WDFY2: variants seen among roughly 807,000 people sequenced by gnomAD.
WDFY2 encodes the protein WD repeat and FYVE domain containing 2.
Under a neutral mutation model 56.4 loss-of-function variants are expected in WDFY2, and 36 were observed. The observed-to-expected ratio is 0.64, with a 90% CI of 0.49 to 0.84. The LOEUF (loss-of-function observed/expected upper bound fraction) is 0.84, where lower values mean the gene tolerates loss of function less well. WDFY2 is among the 40% of genes least tolerant of loss of function. The pLI, the probability that WDFY2 is intolerant of heterozygous loss-of-function variation, is 0.00. For synonymous variants in WDFY2, 176 were observed against 183.7 expected, an observed-to-expected ratio of 0.96 and a Z score of 0.34; for missense variants, 444 against 512.2, an observed-to-expected ratio of 0.87 and a Z score of 1.29.
chr13:51,765,641 G>T lies in WDFY2; in HGVS notation c.*5872G>T, dbSNP rs1397944632. ...GCCCGCATATTGCTGGCTTCCCTTG[G>T]ATAACGGAGAGCCTATCACCACATG... On this transcript the variant is annotated 3_prime_UTR_variant, in exon 12 of 12. Coordinates refer to ENST00000298125, the MANE Select transcript of WDFY2 (RefSeq NM_052950.4). 6.6e-6 allele frequency: 1 copy of T among 152,184 alleles called. No homozygotes were observed. Among genetic ancestry groups the T allele is most frequent in the Non-Finnish European group, 1.5e-5 (1 of 68,046 alleles). The allele number at this position is 152,184 out of a possible 1,614,324, so 9.4% of individuals were successfully genotyped here. A position where few individuals can be genotyped will look rare whatever the true frequency, so the allele number is the denominator to read the frequency against.
rs116449261 is a variant in WDFY2 at position 51,703,096 on chromosome 13, T to C, written c.280-500T>C. Among the ~76,000 whole-genome samples, 1,297 of 152,324 alleles carry C rather than the reference T, an allele frequency of 8.5e-3. 16 individuals carry two copies. The highest frequency in any genetic ancestry group is 0.029 in the African/African-American group (1,224 of 41,568). Reference sequence around the variant, plus strand: ...TTATTAATTACCTACTGTGCCAAGGTACTGTGCCCGGTGTCCTGGGGATAC... The same window carrying C: ...TTATTAATTACCTACTGTGCCAAGGCACTGTGCCCGGTGTCCTGGGGATAC... On this transcript the variant is annotated intron_variant, in intron 3 of 11. Transcript: ENST00000298125.
At chr13:51,658,467 G>A (rs1191126970) in intron 1 of WDFY2, among the ~76,000 whole-genome samples, 2 of 152,140 alleles carry the variant, frequency 1.3e-5, no homozygotes, top group Non-Finnish European at 2.9e-5. Context: ...GTACAAGCAG[G>A]CCACTCAAGG....
At chr13:51,738,161 A>G (rs9535745) in intron 6 of WDFY2, among the ~76,000 whole-genome samples, 19,038 of 152,246 alleles carry the variant, frequency 0.13, 1,474 homozygotes, top group South Asian at 0.21. Flanking sequence ...TCAGAATATA[A>G]TATTTTTAAT....
chr13:51,701,526 A>C (rs1951984635), intron 3 of WDFY2, among the ~76,000 whole-genome samples: 1 of 151,548 alleles, frequency 6.6e-6, no homozygotes, highest in Non-Finnish European at 1.5e-5. Context: ...ATCTCAAAAA[A>C]AAAAAAAAAA....
intron 1 of WDFY2, among the ~76,000 whole-genome samples, chr13:51,649,077 G>A (rs1760680862): frequency 6.6e-6 from 1 of 152,246 alleles, no homozygotes; most frequent in African/African-American, 2.4e-5. Flanking sequence ...ATCCTGGGAG[G>A]TGGAGGTTGC....
intron 2 of WDFY2, among the ~76,000 whole-genome samples, chr13:51,661,745 A>G (rs1266626077): frequency 6.6e-6 from 1 of 152,260 alleles, no homozygotes; most frequent in African/African-American, 2.4e-5. Flanking sequence ...ATAGACGATA[A>G]TAACCAAGCT....
In WDFY2 at chr13:51,587,465, T is replaced by C. The variant is rs77136242; in HGVS notation, c.137+2641T>C. 25 of 152,342 alleles carry C rather than the reference T, an allele frequency of 1.6e-4. No individual in the cohort carries two copies. In the East Asian group the frequency reaches 4.4e-3, roughly 27 times the overall value. The allele number at this position is 152,342 out of a possible 1,614,324, so 9.4% of individuals were successfully genotyped here. ...CATCTTAACTACTGTAGACTTTTAG[T>C]TGATATTTGTTGAGTGAATTATATG... On this transcript the variant is annotated intron_variant, in intron 1 of 11. Transcript: ENST00000298125.
chr13:51,641,387 A>T lies in WDFY2; in HGVS notation c.138-19209A>T, dbSNP rs553625083. 3.4e-4 allele frequency among the ~76,000 whole-genome samples: 51 copies of T among 152,042 alleles called. 1 individual carries two copies. Among genetic ancestry groups the T allele is most frequent in the African/African-American group, 1.2e-3 (51 of 41,508 alleles). On this transcript the variant is annotated intron_variant, in intron 1 of 11. Coordinates refer to ENST00000298125, the MANE Select transcript of WDFY2 (RefSeq NM_052950.4). Reference sequence around the variant, plus strand: ...GCCAGCCTGTTCATGGAGCATTTCTAGTCACCACTGAAATATAAGAGGTGG... The same window carrying T: ...GCCAGCCTGTTCATGGAGCATTTCTTGTCACCACTGAAATATAAGAGGTGG...
intron 6 of WDFY2, among the ~76,000 whole-genome samples, chr13:51,733,003 C>A (rs537510467): frequency 6.6e-6 from 1 of 152,086 alleles, no homozygotes; most frequent in African/African-American, 2.4e-5. Context: ...ACTCCTCTTG[C>A]GGATAATTAA....
rs903194716 is a variant in WDFY2 at position 51,762,006 on chromosome 13, C to A, written c.*2237C>A. ...TGATTGCTCTTTGAGAGAACTTTAA[C>A]AAGGGAATTAAATTTAAAATATTCA... On this transcript the variant is annotated 3_prime_UTR_variant, in exon 12 of 12. Transcript: ENST00000298125. The A allele has an allele frequency of 2.6e-5, 4 of 152,206 alleles. No individual in the cohort carries two copies. Among genetic ancestry groups the A allele is most frequent in the African/African-American group, 9.7e-5 (4 of 41,442 alleles). The allele number at this position is 152,206 out of a possible 1,614,324, so 9.4% of individuals were successfully genotyped here.
intron 7 of WDFY2, among the ~76,000 whole-genome samples, chr13:51,741,337 A>G (rs769093099): frequency 6.6e-6 from 1 of 152,236 alleles, no homozygotes; most frequent in Admixed American, 6.5e-5. Flanking sequence ...AGTGAGCTCT[A>G]TGAGGGACTC....
chr13:51,586,713 T>C (rs569407936), intron 1 of WDFY2: 1 of 152,292 alleles, frequency 6.6e-6, no homozygotes, highest in South Asian at 2.1e-4. Flanking sequence ...ATGAAAGAAA[T>C]GCAATGTTCA....
At chr13:51,723,349 GA>G (rs1952532430) in intron 5 of WDFY2, among the ~76,000 whole-genome samples, 1 of 152,018 alleles carries the variant, frequency 6.6e-6, no homozygotes, top group African/African-American at 2.4e-5. Flanking sequence ...TGCTTATTTT[GA>G]AAATGGCTTT....
intron 4 of WDFY2, among the ~76,000 whole-genome samples, chr13:51,717,470 A>T (rs1342919922): frequency 1.3e-5 from 2 of 152,072 alleles, no homozygotes; most frequent in Non-Finnish European, 2.9e-5. Context: ...AAGGCTGCTC[A>T]GAGGACTAAA....
intron 1 of WDFY2, among the ~76,000 whole-genome samples, chr13:51,646,411 G>C (rs1291618384): frequency 6.6e-6 from 1 of 152,176 alleles, no homozygotes; most frequent in Admixed American, 6.5e-5. Context: ...GCCTGAGCCC[G>C]GGCTCTGTAG....
intron 1 of WDFY2, chr13:51,588,213 G>T (rs1359141734): frequency 6.6e-6 from 1 of 152,146 alleles, no homozygotes; most frequent in African/African-American, 2.4e-5. Context: ...TGCCATTTTA[G>T]CATTCCCTGC....
intron 1 of WDFY2, chr13:51,598,275 C>T (rs1227625579): frequency 1.3e-5 from 2 of 152,254 alleles, no homozygotes; most frequent in African/African-American, 2.4e-5. Flanking sequence ...AGGAGAGTTG[C>T]TTGAACCCAG....
rs368091370 is a variant in WDFY2 at position 51,602,286 on chromosome 13, C to A, written c.137+17462C>A. On this transcript the variant is annotated intron_variant, in intron 1 of 11. Coordinates refer to ENST00000298125, the MANE Select transcript of WDFY2 (RefSeq NM_052950.4). ...CTTAACATTGTAGTGCAACTTTTTC[C>A]GTGTTTAAATCCATTCAGATACATA... Among the ~76,000 whole-genome samples, 5 of 152,154 alleles carry A rather than the reference C, an allele frequency of 3.3e-5. No homozygotes were observed. The South Asian group carries it at 1.0e-3, about 32-fold the overall frequency.
intron 4 of WDFY2, among the ~76,000 whole-genome samples, chr13:51,712,786 A>T (rs1952252318): frequency 6.6e-6 from 1 of 152,040 alleles, no homozygotes; most frequent in Non-Finnish European, 1.5e-5. Context: ...ATCAGGAATG[A>T]GTGAAGTGAC....
Sources: allele counts gnomAD v4.1 joint callset (sites outside exome capture counted in the v4.1 genomes callset), GRCh38; gene constraint gnomAD v4.1.1; transcripts MANE v1.5; gene names NCBI Gene and HGNC (gene_info 2026-07-23, HGNC 2026-07-21).